SCAMP4: variants seen among roughly 807,000 people sequenced by gnomAD.
The protein encoded by SCAMP4 is secretory carrier-associated membrane protein 4.
In SCAMP4, 19 loss-of-function variants were observed where a neutral mutation model predicts 32.1. The observed-to-expected ratio is 0.59, with a 90% confidence interval of 0.41 to 0.87. SCAMP4 has a LOEUF of 0.87. Among genes scored for constraint, SCAMP4 ranks in the 40% least tolerant of loss-of-function variants. The probability of loss-of-function intolerance (pLI) is 0.00; values close to 1 mark genes in which losing one functional copy is unlikely to be tolerated. For synonymous variants in SCAMP4, 152 were observed against 132.7 expected, an observed-to-expected ratio of 1.15 and a Z score of -1.00; for missense variants, 302 against 309.0, an observed-to-expected ratio of 0.98 and a Z score of 0.17.
chr19:1,924,383 C>G lies in SCAMP4; in HGVS notation c.*99C>G. ...CTGGGAGTACCTGGGGCCCCATCCC[C>G]CCAGCTGGGATGGTGGAAGCCGGTG... On this transcript the variant is annotated 3_prime_UTR_variant, in exon 7 of 7. Coordinates refer to ENST00000316097, the MANE Select transcript of SCAMP4 (RefSeq NM_079834.4). 8 of 1,127,252 alleles carry G rather than the reference C, an allele frequency of 7.1e-6. No individual in the cohort carries two copies. The East Asian group carries it at 2.1e-4, about 29-fold the overall frequency. The allele number at this position is 1,127,252 out of a possible 1,614,324, so 69.8% of individuals were successfully genotyped here.
intron 5 of SCAMP4, chr19:1,922,370 G>C: frequency 2.7e-6 from 2 of 749,146 alleles, no homozygotes; most frequent in African/African-American, 3.8e-5. Flanking sequence ...AGATAGCTGG[G>C]ATTACAGGCA....
Position 1,911,957 on chromosome 19 carries a change from T to C in SCAMP4, c.-41-3022T>C, listed in dbSNP as rs1276366914. On this transcript the variant is annotated intron_variant, in intron 1 of 6. Coordinates refer to ENST00000316097, the MANE Select transcript of SCAMP4 (RefSeq NM_079834.4). ...CTGGGCCGGAGCCCTCGGACTAGCCTCAGCTTTGGTGGCAGCACGCCCTGC... is the reference window on the plus strand; with the variant it reads ...CTGGGCCGGAGCCCTCGGACTAGCCCCAGCTTTGGTGGCAGCACGCCCTGC... 2.1e-6 allele frequency: 3 copies of C among 1,399,710 alleles called. No individual in the cohort carries two copies. The South Asian group carries it at 4.7e-5, about 22-fold the overall frequency. 86.7% of individuals were successfully genotyped at this position (1,399,710 alleles called of 1,614,324 possible).
Position 1,908,269 on chromosome 19 carries a change from A to AT in SCAMP4, c.-42+2831dup. On this transcript the variant is annotated intron_variant, in intron 1 of 6. Transcript: ENST00000316097. This position sits in a 1 kb window ranked among gnomAD's most constrained non-coding sequence, Gnocchi z 4.2. ...GCTTCCTGCTCCCGGCTCCCACTGC[A>AT]TCTCCGGTTCTGTGCTTTGTTGAAC... 3.5e-6 allele frequency: 1 copy of AT among 284,412 alleles called. No homozygotes were observed. Among genetic ancestry groups the AT allele is most frequent in the Non-Finnish European group, 7.0e-6 (1 of 142,750 alleles). 17.6% of individuals were successfully genotyped at this position (284,412 alleles called of 1,614,324 possible).
At chr19:1,917,905 C>CT in intron 3 of SCAMP4, 83 bp downstream of exon 3, 2 of 1,559,090 alleles carry the variant, frequency 1.3e-6, no homozygotes, top group Non-Finnish European at 1.8e-6. Flanking sequence ...AGGGGCAGCC[C>CT]GTCGGGGGCC....
At chr19:1,910,182 G>A (rs139784391) in intron 1 of SCAMP4, among the ~76,000 whole-genome samples, 4 of 152,302 alleles carry the variant, frequency 2.6e-5, no homozygotes, top group East Asian at 1.9e-4. Flanking sequence ...GGGTCTCACC[G>A]GGCTGGAACC....
intron 2 of SCAMP4, among the ~76,000 whole-genome samples, chr19:1,916,561 C>G (rs544542593): frequency 6.6e-6 from 1 of 152,128 alleles, no homozygotes; most frequent in African/African-American, 2.4e-5. Flanking sequence ...TGGGTTCAAG[C>G]GATCCTCCTG....
rs772379340 is a variant in SCAMP4, at chr19:1,924,180, C to T, written c.586C>T (p.Arg196Trp). 27 of 1,610,840 alleles carry T rather than the reference C, an allele frequency of 1.7e-5. No individual in the cohort carries two copies. Among genetic ancestry groups the T allele is most frequent in the African/African-American group, 6.7e-5 (5 of 74,848 alleles). ...AQTEWNTGTW[R>W]NPPSREAQYN... The stretch of plus-strand genomic sequence containing the variant: ...GACGGAGTGGAACACGGGCACTTGG[C>T]GGAACCCACCGTCGAGGGAGGCCCA... The change falls in exon 7 of 7, where the codon CGG becomes TGG. Residue 196 changes from arginine to tryptophan, a missense_variant. By Grantham distance (101) the Arg-to-Trp change is moderately radical (BLOSUM62 -3). Transcript: ENST00000316097.
At chr19:1,922,177 C>A in intron 5 of SCAMP4, 1 of 985,470 alleles carries the variant, frequency 1.0e-6, no homozygotes, top group Non-Finnish European at 1.2e-6. Flanking sequence ...GGTGCAATGC[C>A]CAGAGGCTGG....
Position 1,924,140 on chromosome 19 carries a change from C to T in SCAMP4, c.546C>T (p.Ser182=). 6.2e-7 allele frequency: 1 copy of T among 1,611,774 alleles called. No homozygotes were observed. The highest frequency in any genetic ancestry group is 8.5e-7 in the Non-Finnish European group (1 of 1,178,992). ...VHRIYRGAGG[S]FQKAQTEWNT... The stretch of plus-strand genomic sequence containing the variant: ...GGATCTACCGAGGGGCTGGCGGAAG[C>T]TTCCAGAAGGCACAGACGGAGTGGA... Residue 182 remains serine (S), a synonymous_variant, in exon 7 of 7, where the codon AGC becomes AGT. Coordinates refer to ENST00000316097, the MANE Select transcript of SCAMP4 (RefSeq NM_079834.4).
Position 1,908,746 on chromosome 19 carries a change from G to A in SCAMP4, c.-42+3307G>A, listed in dbSNP as rs2034047544. 5.5e-6 allele frequency: 2 copies of A among 363,850 alleles called. No homozygotes were observed. Among genetic ancestry groups the A allele is most frequent in the East Asian group, 7.4e-5 (1 of 13,526 alleles). 22.5% of individuals were successfully genotyped at this position (363,850 alleles called of 1,614,324 possible). A position where few individuals can be genotyped will look rare whatever the true frequency, so the allele number is the denominator to read the frequency against. ...ACTCCTGTGCTTAAGTGATCCTCTC[G>A]CCTTGGTCTCCTGAGTAGCTGGGAC... is the stretch of plus-strand genomic sequence containing the variant. On this transcript the variant is annotated intron_variant, in intron 1 of 6. Transcript: ENST00000316097. This position sits in a 1 kb window ranked among gnomAD's most constrained non-coding sequence, Gnocchi z 4.2.
chr19:1,919,855 G>T (rs2013863969), intron 5 of SCAMP4, among the ~76,000 whole-genome samples: 1 of 150,130 alleles, frequency 6.7e-6, no homozygotes, highest in South Asian at 2.1e-4. Flanking sequence ...TGTCACTCAG[G>T]CTGGGGTGCA....
intron 5 of SCAMP4, chr19:1,922,164 G>A: frequency 1.0e-6 from 1 of 985,464 alleles, no homozygotes; most frequent in Non-Finnish European, 1.2e-6. Flanking sequence ...GGTCTCAAAG[G>A]CAGGTGCAAT....
chr19:1,905,781 G>A (rs1277481962), intron 1 of SCAMP4: 1 of 152,412 alleles, frequency 6.6e-6, no homozygotes, highest in Non-Finnish European at 1.5e-5. Flanking sequence ...CTCAGGTCAT[G>A]TCCCGCAGTC....
chr19:1,922,371 A>T, intron 5 of SCAMP4: 1 of 732,228 alleles, frequency 1.4e-6, no homozygotes, highest in South Asian at 6.1e-5. Flanking sequence ...GATAGCTGGG[A>T]TTACAGGCAT....
intron 4 of SCAMP4, 79 bp downstream of exon 4, chr19:1,918,362 G>A: frequency 1.4e-6 from 2 of 1,403,896 alleles, no homozygotes; most frequent in South Asian, 1.4e-5. Context: ...GCCCAGCTGT[G>A]AGGAGCTGTC....
intron 3 of SCAMP4, 90 bp from the exon 4 acceptor site, chr19:1,918,037 C>T (rs1204128419): frequency 4.0e-6 from 6 of 1,492,366 alleles, no homozygotes; most frequent in East Asian, 2.3e-5. Flanking sequence ...GCTGGGGAGG[C>T]GGACAGCGGG....
chr19:1,917,926 T>C (rs10410479), intron 3 of SCAMP4, 104 bp downstream of exon 3: 1,382,424 of 1,493,918 alleles, frequency 0.93, 640,117 homozygotes, highest in Non-Finnish European at 0.93. Flanking sequence ...CACCGTCTAC[T>C]GAAGCCGTCC....
rs149039111 is a variant in SCAMP4, at chr19:1,917,905, C to T, written c.136+83C>T. The T allele has an allele frequency of 1.8e-4, 283 of 1,559,090 alleles. 1 individual carries two copies. The East Asian group carries it at 3.3e-3, about 18-fold the overall frequency. ...GAGTGGCATTCAGGCAGGGGCAGCC[C>T]GTCGGGGGCCCACCGTCTACTGAAG... On this transcript the variant is annotated intron_variant, in intron 3 of 6. Transcript: ENST00000316097.
Position 1,918,117 on chromosome 19 carries a change from C to T in SCAMP4, c.137-10C>T, listed in dbSNP as rs2013795642. The T allele has an allele frequency of 2.5e-6, 4 of 1,606,040 alleles. No homozygotes were observed. The South Asian group carries it at 4.4e-5, about 18-fold the overall frequency. On this transcript the variant is annotated splice_polypyrimidine_tract_variant and intron_variant, in intron 3 of 6. Transcript: ENST00000316097. ...GTGCCTGCTCATCCGTCCTCCCTCT[C>T]TCTTCGCAGTTTACTGCGCCACCCT...
Sources: gnomAD v4.1 joint callset for allele counts (sites outside exome capture counted in the v4.1 genomes callset) on GRCh38, gnomAD v4.1.1 for gene constraint, Gnocchi (gnomAD v3.1) non-coding constraint, MANE v1.5 for transcripts, NCBI Gene and HGNC (gene_info 2026-07-23, HGNC 2026-07-21) for gene names.